CNOT3: variants seen among roughly 807,000 people sequenced by gnomAD.
CNOT3 encodes the protein CCR4-associated factor 3.
Under a neutral mutation model 89.4 loss-of-function variants are expected in CNOT3, and 2 were observed. The ratio of observed to expected loss-of-function variants is 0.02; its 90% CI spans 0.01 to 0.07. The LOEUF is 0.07. Ranked by LOEUF, CNOT3 falls within the 10% of genes least tolerant of loss-of-function variation. The probability of loss-of-function intolerance (pLI) is 1.00; values close to 1 mark genes in which losing one functional copy is unlikely to be tolerated. For missense variants in CNOT3, 664 were observed against 1,010.2 expected (o/e 0.66, Z 4.65); for synonymous variants, 486 against 402.0 (o/e 1.21, Z -2.50).
chr19:54,155,204 C>T (rs2075346044), intron 17 of CNOT3, 105 bp from the exon 18 acceptor site: 5 of 1,431,480 alleles, frequency 3.5e-6, no homozygotes, highest in Non-Finnish European at 4.7e-6. Flanking sequence ...GGCCCGGTGC[C>T]TGACACATCC....
At chr19:54,142,906 T>G in intron 1 of CNOT3, 23 bp from the exon 2 acceptor site, 1 of 1,490,462 alleles carries the variant, frequency 6.7e-7, no homozygotes, top group Non-Finnish European at 9.3e-7. Context: ...ACGTGTTAAT[T>G]CCTCTCCAAT....
chr19:54,141,086 G>A (rs902161840), intron 1 of CNOT3, among the ~76,000 whole-genome samples: 3 of 152,148 alleles, frequency 2.0e-5, no homozygotes, highest in Non-Finnish European at 4.4e-5. Context: ...TTGGGGTGTT[G>A]GACTTTGGTG....
intron 17 of CNOT3, 26 bp downstream of exon 17, chr19:54,153,866 C>G (rs200590410): frequency 1.9e-6 from 3 of 1,614,084 alleles, no homozygotes; most frequent in Non-Finnish European, 1.7e-6. Context: ...CCTCTCTTCC[C>G]GCTGCTAGGG....
chr19:54,142,731 T>C (rs761864858), intron 1 of CNOT3, 198 bp from the exon 2 acceptor site: 20 of 593,958 alleles, frequency 3.4e-5, no homozygotes, highest in African/African-American at 1.1e-4. Context: ...AACAAACTTA[T>C]GGGGTCCCCT....
rs1273442232 is a variant in CNOT3 at position 54,145,190 on chromosome 19, A to G, written c.484-408A>G. On this transcript the variant is annotated intron_variant, in intron 7 of 17. Coordinates refer to ENST00000221232, the MANE Select transcript of CNOT3 (RefSeq NM_014516.4). This position sits in a 1 kb window ranked among gnomAD's most constrained non-coding sequence, Gnocchi z 5.9. ...AGCAAGCTCCTCACAAATGGGGGTTATCATTGTTACTGCTGGAGCAGGTCG... is the reference window on the plus strand; with the variant it reads ...AGCAAGCTCCTCACAAATGGGGGTTGTCATTGTTACTGCTGGAGCAGGTCG... 6.6e-6 allele frequency among the ~76,000 whole-genome samples: 1 copy of G among 152,148 alleles called. No homozygotes were observed. Among genetic ancestry groups the G allele is most frequent in the Admixed American group, 6.5e-5 (1 of 15,286 alleles).
chr19:54,151,678 C>T (rs777743537), intron 13 of CNOT3, among the ~76,000 whole-genome samples: 9 of 152,140 alleles, frequency 5.9e-5, no homozygotes, highest in Admixed American at 2.0e-4. Flanking sequence ...TAATAGGAAA[C>T]GAGGCTGTGG....
Position 54,151,536 on chromosome 19 carries a change from G to C in CNOT3, c.1606-690G>C, listed in dbSNP as rs1382111133. On this transcript the variant is annotated intron_variant, in intron 13 of 17. Coordinates refer to ENST00000221232, the MANE Select transcript of CNOT3 (RefSeq NM_014516.4). Reference sequence around the variant, plus strand: ...CTGGGCGATATAGCGAGACAGGATGGATAAGCCTTGGCGACTGACTCGTTG... The same window carrying C: ...CTGGGCGATATAGCGAGACAGGATGCATAAGCCTTGGCGACTGACTCGTTG... Among the ~76,000 whole-genome samples the C allele has an allele frequency of 2.6e-5, 4 of 152,356 alleles. No individual in the cohort carries two copies. The East Asian group carries it at 7.7e-4, about 29-fold the overall frequency.
intron 13 of CNOT3, among the ~76,000 whole-genome samples, chr19:54,151,549 G>A (rs587681159): frequency 7.2e-5 from 11 of 152,336 alleles, no homozygotes; most frequent in East Asian, 1.9e-4. Flanking sequence ...AAGCCTTGGC[G>A]ACTGACTCGT....
Position 54,137,769 on chromosome 19 carries a change from A to G in CNOT3, c.-275A>G, listed in dbSNP as rs1023040323. 1.3e-5 allele frequency: 2 copies of G among 151,638 alleles called. No individual in the cohort carries two copies. Among genetic ancestry groups the G allele is most frequent in the Non-Finnish European group, 2.9e-5 (2 of 67,858 alleles). The allele number at this position is 151,638 out of a possible 1,614,324, so 9.4% of individuals were successfully genotyped here. On this transcript the variant is annotated 5_prime_UTR_variant, in exon 1 of 18. Coordinates refer to ENST00000221232, the MANE Select transcript of CNOT3 (RefSeq NM_014516.4). ...GCCTCCTCCGCCGCCGCCATCTTGG[A>G]CCGGGCCCGGTCAGCTTCCGCGGAG...
In CNOT3 at chr19:54,144,354, C is replaced by G; in HGVS notation, c.483+22C>G. 6.3e-7 allele frequency: 1 copy of G among 1,577,336 alleles called. No individual in the cohort carries two copies. The highest frequency in any genetic ancestry group is 8.7e-7 in the Non-Finnish European group (1 of 1,147,252). ...GGATGTGAGTGAGGGAGACCCGACA[C>G]CTTTGGGATGGGGATGGGCATGGGA... On this transcript the variant is annotated intron_variant, in intron 7 of 17. Transcript: ENST00000221232. The surrounding 1 kb of genome is among the most constrained non-coding windows in gnomAD (Gnocchi z 4.8).
chr19:54,152,432 C>A lies in CNOT3; in HGVS notation c.1710C>A (p.Ile570=). 1 of 1,614,202 alleles carries A rather than the reference C, an allele frequency of 6.2e-7. No homozygotes were observed. Residue 570 remains isoleucine (I), a synonymous_variant, in exon 15 of 18, where the codon ATC becomes ATA. Transcript: ENST00000221232. The part of the protein sequence containing the change: ...VPTLHLTERD[I]ILSSTSAPPA... Reference sequence around the variant, plus strand: ...GGACCCCCACCCTCCCCACAGACATCATCCTGAGCAGTACATCAGCACCTC... The same window carrying A: ...GGACCCCCACCCTCCCCACAGACATAATCCTGAGCAGTACATCAGCACCTC...
intron 13 of CNOT3, among the ~76,000 whole-genome samples, chr19:54,151,499 T>G (rs1487244824): frequency 6.6e-6 from 1 of 151,484 alleles, no homozygotes. Context: ...AGCCCAGGAG[T>G]TTGAGACCTG....
At chr19:54,153,193 A>T (rs2075226376) in intron 16 of CNOT3, 194 bp downstream of exon 16, 1 of 765,874 alleles carries the variant, frequency 1.3e-6, no homozygotes, top group South Asian at 1.3e-5. Context: ...CAGAGATGTT[A>T]GAACTGCTTG....
chr19:54,150,404 G>A (rs113763631), intron 13 of CNOT3, among the ~76,000 whole-genome samples: 6 of 152,242 alleles, frequency 3.9e-5, no homozygotes, highest in Non-Finnish European at 5.9e-5. Context: ...GCAGAGAGGA[G>A]AGAGGTGTCC....
At chr19:54,147,380 A>G (rs1260356183) in intron 10 of CNOT3, among the ~76,000 whole-genome samples, 3 of 152,126 alleles carry the variant, frequency 2.0e-5, no homozygotes, top group Non-Finnish European at 4.4e-5. Context: ...CGCAGGTAGT[A>G]GTGAGGGCGG....
chr19:54,149,084 A>G lies in CNOT3; in HGVS notation c.1406+341A>G, dbSNP rs140298319. ...GTCACTGTTTCACTTTTCAAAGTGAATTGTCCCGAAGTCCTTATTCCTCTG... is the reference window on the plus strand; with the variant it reads ...GTCACTGTTTCACTTTTCAAAGTGAGTTGTCCCGAAGTCCTTATTCCTCTG... On this transcript the variant is annotated intron_variant, in intron 12 of 17. Coordinates refer to ENST00000221232, the MANE Select transcript of CNOT3 (RefSeq NM_014516.4). 2.0e-5 allele frequency among the ~76,000 whole-genome samples: 3 copies of G among 152,284 alleles called. No individual in the cohort carries two copies. The East Asian group carries it at 5.8e-4, about 29-fold the overall frequency.
In CNOT3 at chr19:54,149,900, C is replaced by T. The variant is rs587653623; in HGVS notation, c.1605+142C>T. 25 of 887,964 alleles carry T rather than the reference C, an allele frequency of 2.8e-5. No individual in the cohort carries two copies. In the Middle Eastern group the frequency reaches 1.1e-3, roughly 39 times the overall value. The allele number at this position is 887,964 out of a possible 1,614,324, so 55.0% of individuals were successfully genotyped here. The stretch of plus-strand genomic sequence containing the variant: ...TGTCCCCTTCTCACACTTGCTCTTT[C>T]TCCAGGTCTTTCTGTACCACCCTCC... On this transcript the variant is annotated intron_variant, in intron 13 of 17. Coordinates refer to ENST00000221232, the MANE Select transcript of CNOT3 (RefSeq NM_014516.4).
At position 54,148,396 on chromosome 19, in the gene CNOT3, T is replaced by G; in HGVS notation, c.1143T>G (p.Ser381Arg). 3 of 1,562,200 alleles carry G rather than the reference T, an allele frequency of 1.9e-6. No homozygotes were observed. Among genetic ancestry groups the G allele is most frequent in the Non-Finnish European group, 8.7e-7 (1 of 1,152,430 alleles). The change falls in exon 11 of 18, where the codon AGT becomes AGG. Residue 381 changes from serine (S) to arginine (R), a missense_variant. Ser to Arg is a moderately radical substitution (Grantham distance 110, BLOSUM62 -1). Coordinates refer to ENST00000221232, the MANE Select transcript of CNOT3 (RefSeq NM_014516.4). The surrounding 1 kb of genome is among the most constrained non-coding windows in gnomAD (Gnocchi z 6.3). ...YAQAVAPPAP[S>R]GPSTTQPRPP... Reference sequence around the variant, plus strand: ...AGGCTGTGGCCCCACCAGCTCCCAGTGGGCCCAGCACGACCCAGCCCCGGC... The same window carrying G: ...AGGCTGTGGCCCCACCAGCTCCCAGGGGGCCCAGCACGACCCAGCCCCGGC...
chr19:54,140,157 C>G (rs2074389400), intron 1 of CNOT3, among the ~76,000 whole-genome samples: 1 of 152,276 alleles, frequency 6.6e-6, no homozygotes, highest in East Asian at 1.9e-4. Context: ...GTATCATCTT[C>G]CCTGAGATGA....
Sources: gnomAD v4.1 joint callset for allele counts (sites outside exome capture counted in the v4.1 genomes callset) on GRCh38, gnomAD v4.1.1 for gene constraint, Gnocchi (gnomAD v3.1) non-coding constraint, MANE v1.5 for transcripts, NCBI Gene and HGNC (gene_info 2026-07-23, HGNC 2026-07-21) for gene names.